IBA57: variants seen among roughly 807,000 people sequenced by gnomAD.
IBA57 encodes the protein iron-sulfur cluster assembly factor IBA57, mitochondrial.
Under a neutral mutation model 20.4 loss-of-function variants are expected in IBA57, and 20 were observed. That is an observed-to-expected ratio of 0.98 (90% CI 0.69 to 1.42). IBA57 has a LOEUF of 1.42. IBA57 is among the 40% of genes most tolerant of loss of function. The probability of loss-of-function intolerance (pLI) is 0.00; values close to 1 mark genes in which losing one functional copy is unlikely to be tolerated. For missense variants in IBA57, 608 were observed against 499.3 expected (o/e 1.22, Z -2.07); for synonymous variants, 310 against 233.9 (o/e 1.33, Z -2.97).
intron 1 of IBA57, among the ~76,000 whole-genome samples, chr1:228,169,161 C>T (rs1389354608): frequency 6.6e-6 from 1 of 152,132 alleles, no homozygotes; most frequent in Admixed American, 6.5e-5. Flanking sequence ...CTGGTCACTC[C>T]TCTGGGGAGA....
At chr1:228,173,613 C>T in intron 1 of IBA57, 1 of 152,828 alleles carries the variant, frequency 6.5e-6, no homozygotes, top group South Asian at 2.1e-4. Context: ...GCATGCTGTA[C>T]CTCCCTGACA....
Position 228,181,285 on chromosome 1 carries a change from G to T in IBA57, c.*5772G>T, listed in dbSNP as rs1470294628. On this transcript the variant is annotated 3_prime_UTR_variant, in exon 3 of 3. Coordinates refer to ENST00000366711, the MANE Select transcript of IBA57 (RefSeq NM_001010867.4). ...GTGAGCCAATAAACCTCTGTTCCTTGTAAATGAGTCAGCCTCAGGTATTCT... is the reference window on the plus strand; with the variant it reads ...GTGAGCCAATAAACCTCTGTTCCTTTTAAATGAGTCAGCCTCAGGTATTCT... 2 of 152,208 alleles carry T rather than the reference G, an allele frequency of 1.3e-5. No individual in the cohort carries two copies. Among genetic ancestry groups the T allele is most frequent in the Non-Finnish European group, 1.5e-5 (1 of 68,058 alleles). 9.4% of individuals were successfully genotyped at this position (152,208 alleles called of 1,614,324 possible).
At chr1:228,167,008 G>A (rs2034863027) in intron 1 of IBA57, among the ~76,000 whole-genome samples, 1 of 152,154 alleles carries the variant, frequency 6.6e-6, no homozygotes, top group South Asian at 2.1e-4. Flanking sequence ...CTGATATCCT[G>A]GCTGGGTGTA....
chr1:228,175,199 G>T lies in IBA57; in HGVS notation c.757G>T (p.Val253Leu), dbSNP rs2034994287. The change falls in exon 3 of 3, where the codon GTG becomes TTG. Residue 253 changes from valine to leucine, a missense_variant. Transcript: ENST00000366711. ...LESNLAFMNG[V>L]SFTKGCYIGQ... ...GTCCAACCTGGCCTTCATGAACGGC[G>T]TGAGCTTCACCAAAGGCTGCTACAT... 6.2e-7 allele frequency: 1 copy of T among 1,612,766 alleles called. No homozygotes were observed. Among genetic ancestry groups the T allele is most frequent in the African/African-American group, 1.3e-5 (1 of 74,878 alleles).
In IBA57 at chr1:228,175,406, C is replaced by T. The variant is rs1180359026; in HGVS notation, c.964C>T (p.Leu322=). 10 of 1,612,972 alleles carry T rather than the reference C, an allele frequency of 6.2e-6. No homozygotes were observed. The highest frequency in any genetic ancestry group is 2.2e-5 in the South Asian group (2 of 91,084). ...CCAGGGCAACGTGGGGCTGGCCCTG[C>T]TGTGGTCAGAGAAGATCAAGGGTCC... ...AGQGNVGLAL[L]WSEKIKGPLH... is the part of the protein sequence containing the mutation. Residue 322 remains leucine, a synonymous_variant, in exon 3 of 3, where the codon CTG becomes TTG. Coordinates refer to ENST00000366711, the MANE Select transcript of IBA57 (RefSeq NM_001010867.4).
chr1:228,175,086 C>G (rs762055308), intron 2 of IBA57, 36 bp from the exon 3 acceptor site: 1 of 1,592,744 alleles, frequency 6.3e-7, no homozygotes, highest in Middle Eastern at 1.7e-4. Context: ...GGACGATGTT[C>G]AATTCTCGCT....
chr1:228,166,033 C>A lies in IBA57; in HGVS notation c.217C>A (p.Leu73Met). 6.5e-7 allele frequency: 1 copy of A among 1,538,138 alleles called. No homozygotes were observed. Among genetic ancestry groups the A allele is most frequent in the Non-Finnish European group, 8.7e-7 (1 of 1,148,108 alleles). The stretch of plus-strand genomic sequence containing the variant: ...CGACGCGGCGCCCTTCCTGCTAGGG[C>A]TGCTGACCAATGAACTGCCGCTTCC... ...GPDAAPFLLG[L>M]LTNELPLPSP... The change falls in exon 1 of 3, where the codon CTG becomes ATG. Residue 73 changes from leucine (L) to methionine (M), a missense_variant. Coordinates refer to ENST00000366711, the MANE Select transcript of IBA57 (RefSeq NM_001010867.4).
chr1:228,175,785 C>A lies in IBA57; in HGVS notation c.*272C>A, dbSNP rs1279454221. 6 of 369,448 alleles carry A rather than the reference C, an allele frequency of 1.6e-5. No individual in the cohort carries two copies. In the South Asian group the frequency reaches 1.7e-4, roughly 10 times the overall value. 22.9% of individuals were successfully genotyped at this position (369,448 alleles called of 1,614,324 possible). On this transcript the variant is annotated 3_prime_UTR_variant, in exon 3 of 3. Transcript: ENST00000366711. ...GCTCCAGATGGCGCCGGGTCCCAATCGTGGCTCCACACAGGGTTGTCTGGG... is the reference window on the plus strand; with the variant it reads ...GCTCCAGATGGCGCCGGGTCCCAATAGTGGCTCCACACAGGGTTGTCTGGG...
chr1:228,175,395 G>A lies in IBA57; in HGVS notation c.953G>A (p.Gly318Glu). The change falls in exon 3 of 3, where the codon GGG (glycine) becomes GAG (glutamate). Residue 318 changes from glycine (G) to glutamate (E), a missense_variant. Coordinates refer to ENST00000366711, the MANE Select transcript of IBA57 (RefSeq NM_001010867.4). The stretch of plus-strand genomic sequence containing the variant: ...TTCAGGGCTGGCCAGGGCAACGTGG[G>A]GCTGGCCCTGCTGTGGTCAGAGAAG... ...GKFRAGQGNV[G>E]LALLWSEKIK... is the part of the protein sequence containing the mutation. 6.2e-7 allele frequency: 1 copy of A among 1,612,940 alleles called. No homozygotes were observed. The highest frequency in any genetic ancestry group is 1.1e-5 in the South Asian group (1 of 91,080).
Position 228,175,531 on chromosome 1 carries a change from C to G in IBA57, c.*18C>G. On this transcript the variant is annotated 3_prime_UTR_variant, in exon 3 of 3. Coordinates refer to ENST00000366711, the MANE Select transcript of IBA57 (RefSeq NM_001010867.4). ...CCAAGTAGTCCGAAGCCTTGGCTGGCGCAGGCTGATGGGGAGGCTGGGGCC... is the reference window on the plus strand; with the variant it reads ...CCAAGTAGTCCGAAGCCTTGGCTGGGGCAGGCTGATGGGGAGGCTGGGGCC... The G allele has an allele frequency of 6.5e-7, 1 of 1,537,984 alleles. No individual in the cohort carries two copies. Among genetic ancestry groups the G allele is most frequent in the Non-Finnish European group, 8.8e-7 (1 of 1,141,234 alleles).
Position 228,176,104 on chromosome 1 carries a change from G to A in IBA57, c.*591G>A, listed in dbSNP as rs1451829335. On this transcript the variant is annotated 3_prime_UTR_variant, in exon 3 of 3. Transcript: ENST00000366711. ...GAGCCACTAGGTATCCCATGCTGGA[G>A]GCTTGTGGAAGGCTGTGCCCATCTC... The A allele has an allele frequency of 6.5e-6, 1 of 152,740 alleles. No individual in the cohort carries two copies. Among genetic ancestry groups the A allele is most frequent in the Non-Finnish European group, 1.5e-5 (1 of 68,468 alleles). 9.5% of individuals were successfully genotyped at this position (152,740 alleles called of 1,614,324 possible). A position where few individuals can be genotyped will look rare whatever the true frequency, so the allele number is the denominator to read the frequency against.
rs1346539565 is a variant in IBA57, at chr1:228,166,099, G to A, written c.283G>A (p.Gly95Ser). The change falls in exon 1 of 3, where the codon GGC (glycine) becomes AGC (serine). Residue 95 changes from glycine to serine, a missense_variant. Transcript: ENST00000366711. ...AAGAPPAARA[G>S]YAHFLNVQGR... is the part of the protein sequence containing the mutation. ...GGGGGCCCCGCCTGCTGCGCGCGCG[G>A]GCTACGCCCACTTCCTGAACGTGCA... 12 of 1,537,426 alleles carry A rather than the reference G, an allele frequency of 7.8e-6. No individual in the cohort carries two copies. Among genetic ancestry groups the A allele is most frequent in the African/African-American group, 1.4e-5 (1 of 71,374 alleles).
chr1:228,174,132 T>C lies in IBA57; in HGVS notation c.342-560T>C, dbSNP rs367817788. ...GTGTGGCTGTGGGCGTGGCTCGCTG[T>C]GGGCGTGGCTCGCTGTGGGCGTGGC... is the stretch of plus-strand genomic sequence containing the variant. On this transcript the variant is annotated intron_variant, in intron 1 of 2. Transcript: ENST00000366711. Among the ~76,000 whole-genome samples the C allele has an allele frequency of 4.5e-4, 68 of 149,652 alleles. 1 individual carries two copies. The East Asian group carries it at 0.011, about 24-fold the overall frequency.
At chr1:228,166,229 A>T in intron 1 of IBA57, 72 bp downstream of exon 1, 1 of 695,350 alleles carries the variant, frequency 1.4e-6, no homozygotes, top group Non-Finnish European at 1.7e-6. Context: ...ACCCAGGGAC[A>T]GGGCGGGCGC....
intron 1 of IBA57, among the ~76,000 whole-genome samples, chr1:228,174,125 C>G (rs2034966621): frequency 6.7e-6 from 1 of 149,680 alleles, no homozygotes; most frequent in South Asian, 2.1e-4. Flanking sequence ...GTGGGCGTGG[C>G]TCGCTGTGGG....
rs990886861 is a variant in IBA57 at position 228,180,781 on chromosome 1, G to A, written c.*5268G>A. On this transcript the variant is annotated 3_prime_UTR_variant, in exon 3 of 3. Coordinates refer to ENST00000366711, the MANE Select transcript of IBA57 (RefSeq NM_001010867.4). ...CCTGCCTCAGCCTCCTGAGTAGCAG[G>A]AACTACAGGTGTGAGTCATCACACT... 1 of 151,414 alleles carries A rather than the reference G, an allele frequency of 6.6e-6. No homozygotes were observed. The highest frequency in any genetic ancestry group is 2.4e-5 in the African/African-American group (1 of 41,212). The allele number at this position is 151,414 out of a possible 1,614,324, so 9.4% of individuals were successfully genotyped here. A position where few individuals can be genotyped will look rare whatever the true frequency, so the allele number is the denominator to read the frequency against.
At position 228,177,299 on chromosome 1, in the gene IBA57, C is replaced by T. The variant is rs1198953858; in HGVS notation, c.*1786C>T. The T allele has an allele frequency of 6.6e-6, 1 of 152,082 alleles. No individual in the cohort carries two copies. Among genetic ancestry groups the T allele is most frequent in the Non-Finnish European group, 1.5e-5 (1 of 68,008 alleles). The allele number at this position is 152,082 out of a possible 1,614,324, so 9.4% of individuals were successfully genotyped here. On this transcript the variant is annotated 3_prime_UTR_variant, in exon 3 of 3. Coordinates refer to ENST00000366711, the MANE Select transcript of IBA57 (RefSeq NM_001010867.4). ...GAGTGCTGCAGCATCTGGGAGCATC[C>T]TAGCCTGTCCCGTGGGTGTGGCTGG...
At chr1:228,173,741 C>G (rs1161922414) in intron 1 of IBA57, among the ~76,000 whole-genome samples, 2 of 152,202 alleles carry the variant, frequency 1.3e-5, no homozygotes, top group Non-Finnish European at 2.9e-5. Context: ...CACCGTTCCC[C>G]TGCGGGGCCC....
chr1:228,169,018 C>T (rs1241398365), intron 1 of IBA57, among the ~76,000 whole-genome samples: 1 of 152,188 alleles, frequency 6.6e-6, no homozygotes, highest in Non-Finnish European at 1.5e-5. Context: ...TGCCACCCCT[C>T]CCAGCTATGT....
Sources: gnomAD v4.1 joint callset for allele counts (sites outside exome capture counted in the v4.1 genomes callset) on GRCh38, gnomAD v4.1.1 for gene constraint, MANE v1.5 for transcripts, NCBI Gene and HGNC (gene_info 2026-07-23, HGNC 2026-07-21) for gene names.